FGL1: variants seen among roughly 807,000 people sequenced by gnomAD.
FGL1 encodes the protein fibrinogen like 1.
A neutral mutation model predicts 43.7 loss-of-function variants in FGL1; 59 were observed. The ratio of observed to expected loss-of-function variants is 1.35; its 90% CI spans 1.10 to 1.68. The LOEUF (loss-of-function observed/expected upper bound fraction) is 1.68. FGL1 is among the 40% of genes most tolerant of loss of function. The pLI, the probability that FGL1 is intolerant of heterozygous loss-of-function variation, is 0.00. For missense variants in FGL1, 596 were observed against 373.0 expected (o/e 1.60, Z -4.92); for synonymous variants, 192 against 126.5 (o/e 1.52, Z -3.48).
intron 6 of FGL1, 84 bp downstream of exon 6, chr8:17,868,832 T>A: frequency 6.8e-7 from 1 of 1,467,648 alleles, no homozygotes; most frequent in Non-Finnish European, 9.3e-7. Context: ...TTCTATTGTA[T>A]ATTTTTATTT....
intron 1 of FGL1, among the ~76,000 whole-genome samples, chr8:17,889,913 T>G (rs1414965559): frequency 2.0e-5 from 3 of 152,144 alleles, no homozygotes; most frequent in African/African-American, 7.2e-5. Context: ...ACCAAAAAAA[T>G]AGGTTCAAAA....
chr8:17,885,207 A>AT (rs1315423072), intron 2 of FGL1, among the ~76,000 whole-genome samples: 1 of 151,508 alleles, frequency 6.6e-6, no homozygotes, highest in Admixed American at 6.6e-5. Context: ...CGCCCGGCTA[A>AT]TTTTTTGTAT....
At position 17,876,231 on chromosome 8, in the gene FGL1, T is replaced by A. The variant is rs936251761; in HGVS notation, c.245-1710A>T. On this transcript the variant is annotated intron_variant, in intron 3 of 7. Transcript: ENST00000427924. ...ATTCTTGTAGCATATTTTAAAGATG[T>A]TTAAAGATTTAAAAACAAATGTTCA... Among the ~76,000 whole-genome samples the A allele has an allele frequency of 1.2e-4, 18 of 152,342 alleles. No individual in the cohort carries two copies. In the East Asian group the frequency reaches 3.5e-3, roughly 29 times the overall value.
At chr8:17,870,693 G>A (rs35359553) in intron 5 of FGL1, among the ~76,000 whole-genome samples, 9 of 152,250 alleles carry the variant, frequency 5.9e-5, no homozygotes, top group African/African-American at 2.2e-4. Context: ...GGATTACAAG[G>A]TCAGGAGATC....
intron 7 of FGL1, among the ~76,000 whole-genome samples, chr8:17,867,349 A>G (rs1040342652): frequency 1.3e-5 from 2 of 152,234 alleles, no homozygotes; most frequent in African/African-American, 4.8e-5. Flanking sequence ...AACCAAAAGA[A>G]GACCACGACA....
intron 5 of FGL1, among the ~76,000 whole-genome samples, chr8:17,872,663 T>C (rs908933634): frequency 6.6e-6 from 1 of 152,156 alleles, no homozygotes; most frequent in Non-Finnish European, 1.5e-5. Flanking sequence ...TACAGTTGCC[T>C]TTTATGAAGG....
chr8:17,892,774 T>C (rs1378252596), intron 1 of FGL1, among the ~76,000 whole-genome samples: 2 of 152,236 alleles, frequency 1.3e-5, no homozygotes, highest in East Asian at 1.9e-4. Flanking sequence ...AAATTAAAAA[T>C]CATGAAATGT....
intron 7 of FGL1, among the ~76,000 whole-genome samples, chr8:17,867,725 T>G (rs564903439): frequency 6.6e-6 from 1 of 152,172 alleles, no homozygotes; most frequent in Non-Finnish European, 1.5e-5. Flanking sequence ...GTGACCCACC[T>G]CCTGGGCAGA....
rs751964851 is a variant in FGL1, at chr8:17,864,472, G to T, written c.*120C>A. 1.9e-6 allele frequency: 2 copies of T among 1,060,890 alleles called. No homozygotes were observed. The highest frequency in any genetic ancestry group is 1.6e-5 in the African/African-American group (1 of 61,692). 65.7% of individuals were successfully genotyped at this position (1,060,890 alleles called of 1,614,324 possible). ...ATTAAGTAACAAAGGCAAGTGAGAA[G>T]AATGAAAAGCACTACTCACAACAGT... On this transcript the variant is annotated 3_prime_UTR_variant, in exon 8 of 8. Coordinates refer to ENST00000427924, the MANE Select transcript of FGL1 (RefSeq NM_004467.4).
intron 3 of FGL1, among the ~76,000 whole-genome samples, chr8:17,875,499 C>CTTTA (rs1311966462): frequency 1.4e-4 from 1 of 7,050 alleles, no homozygotes; most frequent in Admixed American, 6.2e-4. Flanking sequence ...TTCTTTCTTT[C>CTTTA]TTTCTTTCTT....
At chr8:17,891,692 T>A (rs556557266) in intron 1 of FGL1, 1 of 985,156 alleles carries the variant, frequency 1.0e-6, no homozygotes, top group African/African-American at 1.7e-5. Flanking sequence ...TGAATTAGAA[T>A]TGTAGAACTT....
chr8:17,867,738 G>T (rs1394314881), intron 7 of FGL1, among the ~76,000 whole-genome samples: 1 of 152,194 alleles, frequency 6.6e-6, no homozygotes, highest in Non-Finnish European at 1.5e-5. Flanking sequence ...TGGGCAGAAA[G>T]AATCCAATGG....
intron 7 of FGL1, among the ~76,000 whole-genome samples, chr8:17,866,609 C>T (rs920281376): frequency 6.6e-6 from 1 of 152,198 alleles, no homozygotes; most frequent in Non-Finnish European, 1.5e-5. Context: ...CTGTGGCAGG[C>T]TCCACCTAAT....
chr8:17,878,927 T>C lies in FGL1; in HGVS notation c.244+3072A>G, dbSNP rs938560648. Among the ~76,000 whole-genome samples the C allele has an allele frequency of 3.6e-5, 5 of 137,654 alleles. No homozygotes were observed. In the South Asian group the frequency reaches 6.9e-4, roughly 19 times the overall value. The allele number at this position is 137,654 out of a possible 152,430, so 90.3% of individuals were successfully genotyped here. A position where few individuals can be genotyped will look rare whatever the true frequency, so the allele number is the denominator to read the frequency against. On this transcript the variant is annotated intron_variant, in intron 3 of 7. Transcript: ENST00000427924. ...TATATATATAAAACACTATACTTTATTGGAATTTTTATGTTATATATTTTA... is the reference window on the plus strand; with the variant it reads ...TATATATATAAAACACTATACTTTACTGGAATTTTTATGTTATATATTTTA...
At chr8:17,879,368 C>T (rs891054991) in intron 3 of FGL1, among the ~76,000 whole-genome samples, 3 of 152,110 alleles carry the variant, frequency 2.0e-5, no homozygotes, top group African/African-American at 4.8e-5. Flanking sequence ...AACACAAGGA[C>T]TGGATCTTCA....
rs185563440 is a variant in FGL1, at chr8:17,883,868, G to C, written c.63+1624C>G. On this transcript the variant is annotated intron_variant, in intron 2 of 7. Coordinates refer to ENST00000427924, the MANE Select transcript of FGL1 (RefSeq NM_004467.4). ...AACCTCTCCCAGATATCTTTTCTAG[G>C]ATGATTTCTTTCTCCTCTTTTCTTT... Among the ~76,000 whole-genome samples the C allele has an allele frequency of 6.2e-3, 906 of 145,712 alleles. 28 individuals are homozygous for C. The highest frequency in any genetic ancestry group is 0.041 in the Admixed American group (592 of 14,306).
At chr8:17,869,115 C>T in intron 5 of FGL1, 111 bp from the exon 6 acceptor site, 4 of 616,746 alleles carry the variant, frequency 6.5e-6, no homozygotes, top group Non-Finnish European at 1.1e-5. Context: ...TTCCCTTGGC[C>T]AAGAATCAGT....
At position 17,868,879 on chromosome 8, in the gene FGL1, T is replaced by C. The variant is rs374549113; in HGVS notation, c.591+37A>G. 2.4e-4 allele frequency: 371 copies of C among 1,514,652 alleles called. 2 individuals are homozygous for C. In the South Asian group the frequency reaches 4.3e-3, roughly 17 times the overall value. The allele number at this position is 1,514,652 out of a possible 1,614,324, so 93.8% of individuals were successfully genotyped here. ...AGGGTTATATTGCACATTTTAAGCA[T>C]TTATTCACGGTTTTACTTCTTAGAA... On this transcript the variant is annotated intron_variant, in intron 6 of 7. Coordinates refer to ENST00000427924, the MANE Select transcript of FGL1 (RefSeq NM_004467.4).
intron 3 of FGL1, among the ~76,000 whole-genome samples, chr8:17,877,825 G>A (rs1409550707): frequency 6.6e-6 from 1 of 152,154 alleles, no homozygotes; most frequent in Non-Finnish European, 1.5e-5. Context: ...TTAATATTGA[G>A]AGAATGCGAT....
Sources: gnomAD v4.1 joint callset for allele counts (sites outside exome capture counted in the v4.1 genomes callset) on GRCh38, gnomAD v4.1.1 for gene constraint, MANE v1.5 for transcripts, NCBI Gene and HGNC (gene_info 2026-07-23, HGNC 2026-07-21) for gene names.